Variants in PCDHB9 observed in about 807,000 individuals in gnomAD.
PCDHB9 encodes protocadherin beta 9.
For synonymous variants in PCDHB9, 501 were observed against 439.7 expected (o/e 1.14, Z -1.75); for missense variants, 1,072 against 995.1 (o/e 1.08, Z -1.04).
chr5:141,191,329 G>A lies in PCDHB9; in HGVS notation c.*1617G>A, dbSNP rs1157211832. On this transcript the variant is annotated 3_prime_UTR_variant, in exon 1 of 1. Transcript: ENST00000316105. Reference sequence around the variant, plus strand: ...ATTCTATGAAAAAAGACACTAGAATGCTGTTCTTAATTTTAATAGTGTTAA... The same window carrying A: ...ATTCTATGAAAAAAGACACTAGAATACTGTTCTTAATTTTAATAGTGTTAA... The A allele has an allele frequency of 6.6e-6, 1 of 152,072 alleles. No individual in the cohort carries two copies. The highest frequency in any genetic ancestry group is 6.5e-5 in the Admixed American group (1 of 15,270). 9.4% of individuals were successfully genotyped at this position (152,072 alleles called of 1,614,324 possible).
rs782306987 is a variant in PCDHB9 at position 141,187,531 on chromosome 5, C to T, written c.213C>T (p.Asn71=). The change falls in exon 1 of 1, where the codon AAC becomes AAT. Residue 71 remains asparagine, a synonymous_variant. Transcript: ENST00000316105. The stretch of plus-strand genomic sequence containing the variant: ...GAACCAGGGTGGTTTCCGATGATAA[C>T]AAACAATACCTGCTCCTGGATTCAC... ...ARGTRVVSDD[N]KQYLLLDSHT... 3.7e-6 allele frequency: 6 copies of T among 1,608,080 alleles called. No individual in the cohort carries two copies. The highest frequency in any genetic ancestry group is 5.1e-6 in the Non-Finnish European group (6 of 1,175,736).
In PCDHB9 at chr5:141,190,605, G is replaced by GA. The variant is rs1273158078; in HGVS notation, c.*898dup. The GA allele has an allele frequency of 1.5e-5, 2 of 131,152 alleles. No individual in the cohort carries two copies. The highest frequency in any genetic ancestry group is 3.1e-5 in the Non-Finnish European group (2 of 64,190). 8.1% of individuals were successfully genotyped at this position (131,152 alleles called of 1,614,324 possible). A position where few individuals can be genotyped will look rare whatever the true frequency, so the allele number is the denominator to read the frequency against. ...AATAAACCCCTAATTAGCCTTAGAA[G>GA]AAAAACCACTGCAAGATATTAAGCG... On this transcript the variant is annotated 3_prime_UTR_variant, in exon 1 of 1. Coordinates refer to ENST00000316105, the MANE Select transcript of PCDHB9 (RefSeq NM_019119.5).
At position 141,189,530 on chromosome 5, in the gene PCDHB9, G is replaced by T; in HGVS notation, c.2212G>T (p.Asp738Tyr). The T allele has an allele frequency of 1.2e-6, 2 of 1,614,138 alleles. No individual in the cohort carries two copies. Among genetic ancestry groups the T allele is most frequent in the Non-Finnish European group, 1.7e-6 (2 of 1,180,028 alleles). ...GGGTCCTTTTCCAGGGCATCTGGTGGACGTGAGCGGCACCGGGACCCTGTT... is the reference window on the plus strand; with the variant it reads ...GGGTCCTTTTCCAGGGCATCTGGTGTACGTGAGCGGCACCGGGACCCTGTT... ...PEGPFPGHLV[D>Y]VSGTGTLFQS... Residue 738 changes from aspartate to tyrosine, a missense_variant, in exon 1 of 1, where the codon GAC (aspartate) becomes TAC (tyrosine). Transcript: ENST00000316105.
At position 141,187,656 on chromosome 5, in the gene PCDHB9, C is replaced by G. The variant is rs782255448; in HGVS notation, c.338C>G (p.Pro113Arg). ...MLYFQILMDD[P>R]FQIYRAELRV... ...TATTTCCAAATTTTAATGGATGATC[C>G]CTTTCAGATTTACCGGGCTGAGCTG... The change falls in exon 1 of 1, where the codon CCC (proline) becomes CGC (arginine). Residue 113 changes from proline (P) to arginine (R), a missense_variant. By Grantham distance (103) the Pro-to-Arg change is moderately radical. Transcript: ENST00000316105. 5.6e-6 allele frequency: 9 copies of G among 1,613,752 alleles called. No homozygotes were observed. Among genetic ancestry groups the G allele is most frequent in the Non-Finnish European group, 6.8e-6 (8 of 1,179,960 alleles).
At position 141,187,401 on chromosome 5, in the gene PCDHB9, C is replaced by T; in HGVS notation, c.83C>T (p.Ser28Phe). The change falls in exon 1 of 1, where the codon TCT (serine) becomes TTT (phenylalanine). Residue 28 changes from serine to phenylalanine, a missense_variant. Coordinates refer to ENST00000316105, the MANE Select transcript of PCDHB9 (RefSeq NM_019119.5). ...FLFWGVSLAG[S>F]GFGRYSVTEE... Reference sequence around the variant, plus strand: ...TTCTGGGGAGTGTCCTTGGCAGGTTCTGGGTTTGGACGTTATTCGGTGACT... The same window carrying T: ...TTCTGGGGAGTGTCCTTGGCAGGTTTTGGGTTTGGACGTTATTCGGTGACT... The T allele has an allele frequency of 6.2e-7, 1 of 1,614,006 alleles. No homozygotes were observed.
rs782322192 is a variant in PCDHB9, at chr5:141,189,669, A to G, written c.2351A>G (p.Glu784Gly). Reference sequence around the variant, plus strand: ...CCCCATAGGGGTGGGAAAGAAATAGAGGAAAATTCTACTCTCCCCAATAGC... The same window carrying G: ...CCCCATAGGGGTGGGAAAGAAATAGGGGAAAATTCTACTCTCCCCAATAGC... ...LPPHRGGKEI[E>G]ENSTLPNSFG... The change falls in exon 1 of 1, where the codon GAG (glutamate) becomes GGG (glycine). Residue 784 changes from glutamate to glycine, a missense_variant. Transcript: ENST00000316105. 3.7e-6 allele frequency: 6 copies of G among 1,611,722 alleles called. No homozygotes were observed. Among genetic ancestry groups the G allele is most frequent in the Non-Finnish European group, 2.5e-6 (3 of 1,178,850 alleles).
Position 141,188,147 on chromosome 5 carries a change from G to C in PCDHB9, c.829G>C (p.Val277Leu). Residue 277 changes from valine (V) to leucine (L), a missense_variant, in exon 1 of 1, where the codon GTA (valine) becomes CTA (leucine). By Grantham distance (32) the Val-to-Leu change is conservative. Transcript: ENST00000316105. ...GDADSGVNAE[V>L]SYSFFDASED... is the part of the protein sequence containing the mutation. The stretch of plus-strand genomic sequence containing the variant: ...TGCAGACTCAGGAGTCAATGCAGAA[G>C]TATCCTATTCATTTTTTGATGCTTC... 6.2e-7 allele frequency: 1 copy of C among 1,611,620 alleles called. No individual in the cohort carries two copies. Among genetic ancestry groups the C allele is most frequent in the Non-Finnish European group, 8.5e-7 (1 of 1,178,546 alleles).
At position 141,188,734 on chromosome 5, in the gene PCDHB9, T is replaced by G; in HGVS notation, c.1416T>G (p.Ser472Arg). The G allele has an allele frequency of 6.2e-7, 1 of 1,613,150 alleles. No homozygotes were observed. The highest frequency in any genetic ancestry group is 8.5e-7 in the Non-Finnish European group (1 of 1,179,906). The change falls in exon 1 of 1, where the codon AGT (serine) becomes AGG (arginine). Residue 472 changes from serine to arginine, a missense_variant. Physicochemically the swap from Ser to Arg is moderately radical, Grantham distance 110. Coordinates refer to ENST00000316105, the MANE Select transcript of PCDHB9 (RefSeq NM_019119.5). ...ENNSPALHIG[S>R]VSATDRDSGT... is the part of the protein sequence containing the mutation. Reference sequence around the variant, plus strand: ...ACAGCCCCGCCCTGCACATCGGCAGTGTCAGCGCCACAGACAGAGACTCAG... The same window carrying G: ...ACAGCCCCGCCCTGCACATCGGCAGGGTCAGCGCCACAGACAGAGACTCAG...
chr5:141,188,426 A>T lies in PCDHB9; in HGVS notation c.1108A>T (p.Ile370Phe). 6.2e-7 allele frequency: 1 copy of T among 1,614,166 alleles called. No individual in the cohort carries two copies. Among genetic ancestry groups the T allele is most frequent in the Non-Finnish European group, 8.5e-7 (1 of 1,180,018 alleles). ...TGGGATAGTATTGGCTGTTTTTAAG[A>T]TTAAAGACAGAGACTCCGGAGAAAA... ...SPGIVLAVFKIKDRDSGENGK... is the reference protein window; with the variant it reads ...SPGIVLAVFKFKDRDSGENGK... Residue 370 changes from isoleucine to phenylalanine, a missense_variant, in exon 1 of 1, where the codon ATT becomes TTT. Ile to Phe is a conservative substitution (Grantham distance 21, BLOSUM62 0). Transcript: ENST00000316105.
rs1461787775 is a variant in PCDHB9 at position 141,189,072 on chromosome 5, T to A, written c.1754T>A (p.Leu585Gln). The A allele has an allele frequency of 6.2e-7, 1 of 1,605,684 alleles. No homozygotes were observed. Among genetic ancestry groups the A allele is most frequent in the Non-Finnish European group, 8.5e-7 (1 of 1,178,804 alleles). Residue 585 changes from leucine (L) to glutamine (Q), a missense_variant, in exon 1 of 1, where the codon CTG becomes CAG. By Grantham distance (113) the Leu-to-Gln change is moderately radical (BLOSUM62 -2). Transcript: ENST00000316105. ...CCCCGGGCGGCCGAGCCGGGCTACC[T>A]GGTGACCAAGGTGGTGGCGGTGGAC... is the stretch of plus-strand genomic sequence containing the variant. ...LVPRAAEPGY[L>Q]VTKVVAVDGD...
Position 141,189,563 on chromosome 5 carries a change from T to C in PCDHB9, c.2245T>C (p.Tyr749His). 6.2e-7 allele frequency: 1 copy of C among 1,614,060 alleles called. No homozygotes were observed. The highest frequency in any genetic ancestry group is 8.5e-7 in the Non-Finnish European group (1 of 1,180,000). The stretch of plus-strand genomic sequence containing the variant: ...CGGCACCGGGACCCTGTTCCAGAGC[T>C]ACCAGTACGAGGTGTGTCTGACTGG... ...VSGTGTLFQS[Y>H]QYEVCLTGGS... The change falls in exon 1 of 1, where the codon TAC becomes CAC. Residue 749 changes from tyrosine (Y) to histidine (H), a missense_variant. By Grantham distance (83) the Tyr-to-His change is moderately conservative. Coordinates refer to ENST00000316105, the MANE Select transcript of PCDHB9 (RefSeq NM_019119.5).
Position 141,188,760 on chromosome 5 carries a change from G to T in PCDHB9, c.1442G>T (p.Gly481Val). Residue 481 changes from glycine (G) to valine (V), a missense_variant, in exon 1 of 1, where the codon GGC becomes GTC. Transcript: ENST00000316105. Reference protein sequence around the residue: ...GSVSATDRDSGTNAQVTYSLL... With the variant: ...GSVSATDRDSVTNAQVTYSLL... ...GTCAGCGCCACAGACAGAGACTCAG[G>T]CACCAACGCCCAGGTCACCTACTCG... 1 of 1,613,078 alleles carries T rather than the reference G, an allele frequency of 6.2e-7. No homozygotes were observed. Among genetic ancestry groups the T allele is most frequent in the Non-Finnish European group, 8.5e-7 (1 of 1,180,034 alleles).
rs782090555 is a variant in PCDHB9, at chr5:141,188,064, C to A, written c.746C>A (p.Thr249Asn). The stretch of plus-strand genomic sequence containing the variant: ...CAGTTTGCCCAGGCTCTGTATGAGA[C>A]CCAGGCTCCAGAAAACAGTCCAGTA... ...VPQFAQALYETQAPENSPVGS... is the reference protein window; with the variant it reads ...VPQFAQALYENQAPENSPVGS... Residue 249 changes from threonine to asparagine, a missense_variant, in exon 1 of 1, where the codon ACC becomes AAC. Transcript: ENST00000316105. The A allele has an allele frequency of 1.1e-5, 17 of 1,613,796 alleles. No homozygotes were observed. Among genetic ancestry groups the A allele is most frequent in the Non-Finnish European group, 1.4e-5 (17 of 1,179,950 alleles).
chr5:141,188,701 G>T lies in PCDHB9; in HGVS notation c.1383G>T (p.Arg461=). The T allele has an allele frequency of 1.9e-6, 3 of 1,613,788 alleles. No individual in the cohort carries two copies. Among genetic ancestry groups the T allele is most frequent in the South Asian group, 2.2e-5 (2 of 91,070 alleles). The change falls in exon 1 of 1, where the codon CGG becomes CGT. Residue 461 remains arginine (R), a synonymous_variant. Transcript: ENST00000316105. ...FTQTSYTLFV[R]ENNSPALHIG... ...AAACCTCCTACACCCTGTTCGTCCG[G>T]GAGAACAACAGCCCCGCCCTGCACA...
chr5:141,188,327 G>A lies in PCDHB9; in HGVS notation c.1009G>A (p.Val337Ile). The change falls in exon 1 of 1, where the codon GTA becomes ATA. Residue 337 changes from valine to isoleucine, a missense_variant. Val to Ile is a conservative substitution (Grantham distance 29). Coordinates refer to ENST00000316105, the MANE Select transcript of PCDHB9 (RefSeq NM_019119.5). The part of the protein sequence containing the change: ...LSARCTVLIK[V>I]LDSNDNPPEL... The stretch of plus-strand genomic sequence containing the variant: ...TGCAAGATGTACAGTTTTGATAAAA[G>A]TATTAGATTCCAATGACAATCCTCC... 1 of 1,614,192 alleles carries A rather than the reference G, an allele frequency of 6.2e-7. No individual in the cohort carries two copies. The highest frequency in any genetic ancestry group is 8.5e-7 in the Non-Finnish European group (1 of 1,180,036).
At position 141,190,588 on chromosome 5, in the gene PCDHB9, C is replaced by G. The variant is rs573277265; in HGVS notation, c.*876C>G. 7.0e-6 allele frequency: 1 copy of G among 143,792 alleles called. No homozygotes were observed. Among genetic ancestry groups the G allele is most frequent in the Non-Finnish European group, 1.5e-5 (1 of 67,006 alleles). The allele number at this position is 143,792 out of a possible 1,614,324, so 8.9% of individuals were successfully genotyped here. A position where few individuals can be genotyped will look rare whatever the true frequency, so the allele number is the denominator to read the frequency against. On this transcript the variant is annotated 3_prime_UTR_variant, in exon 1 of 1. Transcript: ENST00000316105. ...TTGTAAGTGATATGATAAATAAACC[C>G]CTAATTAGCCTTAGAAGAAAAACCA...
Position 141,188,983 on chromosome 5 carries a change from C to A in PCDHB9, c.1665C>A (p.Asn555Lys). The change falls in exon 1 of 1, where the codon AAC becomes AAA. Residue 555 changes from asparagine to lysine, a missense_variant. Asn to Lys is a moderately conservative substitution (Grantham distance 94). Coordinates refer to ENST00000316105, the MANE Select transcript of PCDHB9 (RefSeq NM_019119.5). ...TGCGCGTACTGGTGCTGGACGCCAACGACAACTCGCCCTTCGTGCTGTACC... is the reference window on the plus strand; with the variant it reads ...TGCGCGTACTGGTGCTGGACGCCAAAGACAACTCGCCCTTCGTGCTGTACC... ...ALVRVLVLDA[N>K]DNSPFVLYPL... 1 of 1,611,562 alleles carries A rather than the reference C, an allele frequency of 6.2e-7. No homozygotes were observed. Among genetic ancestry groups the A allele is most frequent in the African/African-American group, 1.3e-5 (1 of 74,968 alleles).
rs1226431221 is a variant in PCDHB9 at position 141,189,412 on chromosome 5, T to C, written c.2094T>C (p.Ser698=). Residue 698 remains serine (S), a synonymous_variant, in exon 1 of 1, where the codon TCT becomes TCC. Transcript: ENST00000316105. ...TGGTGGTGGCGTTGGCCTCGGTGTCTTCGCTCTTCCTCCTCTCGGTGCTCC... is the reference window on the plus strand; with the variant it reads ...TGGTGGTGGCGTTGGCCTCGGTGTCCTCGCTCTTCCTCCTCTCGGTGCTCC... ...VYLVVALASV[S]SLFLLSVLLF... is the part of the protein sequence containing the mutation. 6.2e-7 allele frequency: 1 copy of C among 1,611,618 alleles called. No individual in the cohort carries two copies. Among genetic ancestry groups the C allele is most frequent in the South Asian group, 1.1e-5 (1 of 91,004 alleles).
rs1051952902 is a variant in PCDHB9 at position 141,187,655 on chromosome 5, C to A, written c.337C>A (p.Pro113Thr). Reference protein sequence around the residue: ...MLYFQILMDDPFQIYRAELRV... With the variant: ...MLYFQILMDDTFQIYRAELRV... ...GTATTTCCAAATTTTAATGGATGATCCCTTTCAGATTTACCGGGCTGAGCT... is the reference window on the plus strand; with the variant it reads ...GTATTTCCAAATTTTAATGGATGATACCTTTCAGATTTACCGGGCTGAGCT... The change falls in exon 1 of 1, where the codon CCC becomes ACC. Residue 113 changes from proline to threonine, a missense_variant. Transcript: ENST00000316105. 4 of 1,613,762 alleles carry A rather than the reference C, an allele frequency of 2.5e-6. No individual in the cohort carries two copies. In the Admixed American group the frequency reaches 5.0e-5, roughly 20 times the overall value.
Sources: allele counts gnomAD v4.1 joint callset, GRCh38; gene constraint gnomAD v4.1.1; transcripts MANE v1.5; gene names NCBI Gene and HGNC (gene_info 2026-07-23, HGNC 2026-07-21).